Variants in ARHGAP18 observed in about 807,000 individuals in gnomAD.
ARHGAP18 encodes the protein Rho GTPase activating protein 18.
Under a neutral mutation model 86.2 loss-of-function variants are expected in ARHGAP18, and 67 were observed. The ratio of observed to expected loss-of-function variants is 0.78; its 90% CI spans 0.64 to 0.95. The LOEUF (loss-of-function observed/expected upper bound fraction) is 0.95, where lower values mean the gene tolerates loss of function less well. Ranked by LOEUF, ARHGAP18 falls within the 40% of genes least tolerant of loss-of-function variation. The pLI is 0.00. For synonymous variants in ARHGAP18, 283 were observed against 280.4 expected (o/e 1.01, Z -0.09); for missense variants, 691 against 780.4 (o/e 0.89, Z 1.37).
At chr6:129,626,073 C>CACACACACACACACACAT (rs1554336392) in intron 5 of ARHGAP18, among the ~76,000 whole-genome samples, 4 of 115,842 alleles carry the variant, frequency 3.5e-5, no homozygotes, top group Admixed American at 1.0e-4. Context: ...TATACACACA[C>CACACACACACACACACAT]ACACACACAC....
chr6:129,606,171 T>C (rs1488295253), intron 9 of ARHGAP18, among the ~76,000 whole-genome samples: 1 of 152,204 alleles, frequency 6.6e-6, no homozygotes, highest in Non-Finnish European at 1.5e-5. Context: ...CTCAGAATGC[T>C]CACTTCCAAC....
intron 1 of ARHGAP18, among the ~76,000 whole-genome samples, chr6:129,668,406 A>G (rs1774083484): frequency 6.6e-6 from 1 of 151,534 alleles, no homozygotes; most frequent in South Asian, 2.1e-4. Context: ...ACACAGACAC[A>G]CACACCATTA....
chr6:129,595,721 A>C (rs1355849592), intron 12 of ARHGAP18, among the ~76,000 whole-genome samples: 2 of 152,134 alleles, frequency 1.3e-5, no homozygotes, highest in African/African-American at 4.8e-5. Flanking sequence ...CTCTCTATGC[A>C]CCTAAGTGGC....
chr6:129,613,313 A>G (rs1016492640), intron 7 of ARHGAP18, among the ~76,000 whole-genome samples: 6 of 152,138 alleles, frequency 3.9e-5, no homozygotes, highest in African/African-American at 1.4e-4. Flanking sequence ...ACTGGATAAA[A>G]TCCCATAGCA....
chr6:129,671,458 G>A (rs1774139261), intron 1 of ARHGAP18, among the ~76,000 whole-genome samples: 1 of 152,162 alleles, frequency 6.6e-6, no homozygotes, highest in South Asian at 2.1e-4. Flanking sequence ...CAGTGCTTTG[G>A]GAGGCTAAAG....
chr6:129,615,638 T>C (rs1789082229), intron 7 of ARHGAP18, among the ~76,000 whole-genome samples: 2 of 152,232 alleles, frequency 1.3e-5, no homozygotes, highest in Admixed American at 1.3e-4. Context: ...CCCTAGCTTT[T>C]CTCAAATGTA....
intron 13 of ARHGAP18, among the ~76,000 whole-genome samples, chr6:129,582,602 G>A (rs1012474959): frequency 2.6e-5 from 4 of 152,142 alleles, no homozygotes; most frequent in African/African-American, 9.7e-5. Flanking sequence ...ACTATAGGGA[G>A]CAAAGACATC....
Position 129,629,247 on chromosome 6 carries a change from CTATA to C in ARHGAP18, c.786+102_786+105del, listed in dbSNP as rs35265089. ...TCTGTCTGTCTGTCTCTCTCTCTCT[CTATA>C]TATATATATATGTGTGTGTGCGTGT... On this transcript the variant is annotated intron_variant, in intron 5 of 14. Coordinates refer to ENST00000368149, the MANE Select transcript of ARHGAP18 (RefSeq NM_033515.3). The C allele has an allele frequency of 2.0e-3, 1,300 of 651,446 alleles. 2 individuals are homozygous for C. The highest frequency in any genetic ancestry group is 3.3e-3 in the African/African-American group (173 of 51,898). 40.4% of individuals were successfully genotyped at this position (651,446 alleles called of 1,614,324 possible).
At chr6:129,619,677 G>T (rs974300633) in intron 5 of ARHGAP18, among the ~76,000 whole-genome samples, 1 of 148,752 alleles carries the variant, frequency 6.7e-6, no homozygotes, top group African/African-American at 2.5e-5. Context: ...ATGACATGAA[G>T]AAGACAAGTA....
chr6:129,625,156 GAT>G lies in ARHGAP18; in HGVS notation c.786+4195_786+4196del, dbSNP rs66491592. 5.6e-3 allele frequency among the ~76,000 whole-genome samples: 31 copies of G among 5,540 alleles called. 8 individuals are homozygous for G. In the East Asian group the frequency reaches 0.1, roughly 18 times the overall value. The allele number at this position is 5,540 out of a possible 152,430, so 3.6% of individuals were successfully genotyped here. A position where few individuals can be genotyped will look rare whatever the true frequency, so the allele number is the denominator to read the frequency against. Reference sequence around the variant, plus strand: ...TATGATATATATTATATATTATATAGATATATATTATATATGATATATTATAT... The same window carrying G: ...TATGATATATATTATATATTATATAGATATATTATATATGATATATTATAT... On this transcript the variant is annotated intron_variant, in intron 5 of 14. Transcript: ENST00000368149.
rs193183653 is a variant in ARHGAP18, at chr6:129,658,931, G to T, written c.114-16913C>A. Among the ~76,000 whole-genome samples the T allele has an allele frequency of 1.4e-4, 22 of 152,242 alleles. No individual in the cohort carries two copies. In the East Asian group the frequency reaches 4.0e-3, roughly 28 times the overall value. Reference sequence around the variant, plus strand: ...AAATAAATTGATATTTTAGAACAGTGCTGGCCAATAGAAATAAAAGGTGAG... The same window carrying T: ...AAATAAATTGATATTTTAGAACAGTTCTGGCCAATAGAAATAAAAGGTGAG... On this transcript the variant is annotated intron_variant, in intron 1 of 14. Transcript: ENST00000368149.
intron 1 of ARHGAP18, among the ~76,000 whole-genome samples, chr6:129,666,545 C>T (rs1435338803): frequency 1.3e-5 from 2 of 152,208 alleles, no homozygotes; most frequent in South Asian, 2.1e-4. Flanking sequence ...ATGCTACTTC[C>T]GTCACCAAGA....
intron 10 of ARHGAP18, among the ~76,000 whole-genome samples, chr6:129,601,799 T>G (rs1333609049): frequency 6.6e-6 from 1 of 151,420 alleles, no homozygotes; most frequent in Non-Finnish European, 1.5e-5. Flanking sequence ...GCTAATTTTT[T>G]TGATTTTTCA....
At chr6:129,668,556 G>T (rs558626519) in intron 1 of ARHGAP18, among the ~76,000 whole-genome samples, 1 of 152,080 alleles carries the variant, frequency 6.6e-6, no homozygotes, top group South Asian at 2.1e-4. Context: ...TATGAGCTCT[G>T]CCCAGCTTTT....
rs373220544 is a variant in ARHGAP18 at position 129,670,229 on chromosome 6, T to C, written c.114-28211A>G. Reference sequence around the variant, plus strand: ...TATCAGGTTCAAGCTTTCTCTGGTCTAAATTCAACTTTTTTAAAAAAGGAA... The same window carrying C: ...TATCAGGTTCAAGCTTTCTCTGGTCCAAATTCAACTTTTTTAAAAAAGGAA... On this transcript the variant is annotated intron_variant, in intron 1 of 14. Transcript: ENST00000368149. 1.6e-4 allele frequency among the ~76,000 whole-genome samples: 25 copies of C among 152,380 alleles called. 1 individual carries two copies. In the East Asian group the frequency reaches 4.6e-3, roughly 28 times the overall value.
intron 1 of ARHGAP18, among the ~76,000 whole-genome samples, chr6:129,653,477 C>T (rs1773759248): frequency 6.6e-6 from 1 of 152,156 alleles, no homozygotes; most frequent in Admixed American, 6.5e-5. Context: ...ATGCAAGGTA[C>T]TAAAAGTCAG....
At chr6:129,702,403 C>T (rs1181749962) in intron 1 of ARHGAP18, among the ~76,000 whole-genome samples, 1 of 152,138 alleles carries the variant, frequency 6.6e-6, no homozygotes, top group Admixed American at 6.5e-5. Context: ...TATTCTCTAT[C>T]CCTTTTTTAT....
chr6:129,663,736 A>G (rs1234032404), intron 1 of ARHGAP18, among the ~76,000 whole-genome samples: 2 of 152,224 alleles, frequency 1.3e-5, no homozygotes, highest in African/African-American at 2.4e-5. Flanking sequence ...GTGAACTTTG[A>G]CAGTCCAACC....
At chr6:129,617,829 G>C (rs374341743) in intron 6 of ARHGAP18, among the ~76,000 whole-genome samples, 1 of 152,290 alleles carries the variant, frequency 6.6e-6, no homozygotes, top group African/African-American at 2.4e-5. Flanking sequence ...CAGTCCTACA[G>C]AGTAATTGCC....
Sources: allele counts gnomAD v4.1 joint callset (sites outside exome capture counted in the v4.1 genomes callset), GRCh38; gene constraint gnomAD v4.1.1; transcripts MANE v1.5; gene names NCBI Gene and HGNC (gene_info 2026-07-23, HGNC 2026-07-21).